The following RBL2 variants were observed in gnomAD, a reference collection of about 807,000 sequenced individuals.
RBL2 encodes RB transcriptional corepressor like 2.
A neutral mutation model predicts 126.0 loss-of-function variants in RBL2; 56 were observed. The observed-to-expected ratio is 0.44, with a 90% CI of 0.36 to 0.56. The LOEUF (loss-of-function observed/expected upper bound fraction) is 0.56, where lower values mean the gene tolerates loss of function less well. RBL2 is among the 20% of genes least tolerant of loss of function. The pLI is 0.00. For missense variants in RBL2, 1,229 were observed against 1,398.2 expected, an observed-to-expected ratio of 0.88 and a Z score of 1.93; for synonymous variants, 454 against 478.5, an observed-to-expected ratio of 0.95 and a Z score of 0.67.
At chr16:53,442,447 A>G (rs1385241188) in intron 2 of RBL2, among the ~76,000 whole-genome samples, 4 of 152,356 alleles carry the variant, frequency 2.6e-5, no homozygotes, top group African/African-American at 9.6e-5. Flanking sequence ...CAAATACTTT[A>G]GGTAACCTAA....
chr16:53,487,838 C>T (rs1961236097), intron 21 of RBL2: 1 of 152,164 alleles, frequency 6.6e-6, no homozygotes, highest in Non-Finnish European at 1.5e-5. Context: ...AGTAGGAAAA[C>T]CACCAAATGT....
At chr16:53,488,385 T>C (rs1203186640) in intron 21 of RBL2, 6 of 152,358 alleles carry the variant, frequency 3.9e-5, no homozygotes, top group Admixed American at 6.5e-5. Context: ...TGGGATAGGC[T>C]GACAAGGGAG....
chr16:53,469,670 T>C (rs1306336946), intron 14 of RBL2, among the ~76,000 whole-genome samples: 1 of 152,112 alleles, frequency 6.6e-6, no homozygotes, highest in East Asian at 1.9e-4. Flanking sequence ...AAAGGGGGCG[T>C]GGAGAAAGGA....
Position 53,490,026 on chromosome 16 carries a change from A to G in RBL2, c.3250-104A>G, listed in dbSNP as rs1158196511. 4.0e-5 allele frequency: 36 copies of G among 890,928 alleles called. No homozygotes were observed. The highest frequency in any genetic ancestry group is 4.9e-5 in the Non-Finnish European group (32 of 649,340). The allele number at this position is 890,928 out of a possible 1,614,324, so 55.2% of individuals were successfully genotyped here. A position where few individuals can be genotyped will look rare whatever the true frequency, so the allele number is the denominator to read the frequency against. ...TTTCTTTTCTCTGTAGATGTGTTCAAACTCTTCCAGGGTAAACTGCTTAAC... is the reference window on the plus strand; with the variant it reads ...TTTCTTTTCTCTGTAGATGTGTTCAGACTCTTCCAGGGTAAACTGCTTAAC... On this transcript the variant is annotated intron_variant, in intron 21 of 21. Transcript: ENST00000262133.
intron 17 of RBL2, among the ~76,000 whole-genome samples, chr16:53,478,251 T>C (rs1960803716): frequency 6.6e-6 from 1 of 152,216 alleles, no homozygotes. Flanking sequence ...CTCTTGATGC[T>C]TTTAATATTT....
Position 53,479,183 on chromosome 16 carries a change from C to T in RBL2, c.2733C>T (p.Asn911=), listed in dbSNP as rs1021460877. Residue 911 remains asparagine (N), a synonymous_variant, in exon 18 of 22, where the codon AAC becomes AAT. Coordinates refer to ENST00000262133, the MANE Select transcript of RBL2 (RefSeq NM_005611.4). ...CAAAAGAAGATAAGTCCTTCCAGAA[C>T]ATTATGCGTTGTTATAGGACTCAGC... ...KVTKEDKSFQ[N]IMRCYRTQPQ... 5 of 1,613,846 alleles carry T rather than the reference C, an allele frequency of 3.1e-6. No homozygotes were observed. Among genetic ancestry groups the T allele is most frequent in the African/African-American group, 1.3e-5 (1 of 74,908 alleles).
chr16:53,454,932 A>G, intron 8 of RBL2, 90 bp downstream of exon 8: 1 of 1,156,818 alleles, frequency 8.6e-7, no homozygotes, highest in Non-Finnish European at 1.2e-6. Context: ...TTTGTGTTTT[A>G]CTTGCCTACA....
At chr16:53,463,036 T>G (rs557811531) in intron 11 of RBL2, among the ~76,000 whole-genome samples, 1 of 152,302 alleles carries the variant, frequency 6.6e-6, no homozygotes, top group African/African-American at 2.4e-5. Context: ...AGATGGGGTT[T>G]TGCCATGTTG....
At chr16:53,473,924 A>C (rs1960618183) in intron 17 of RBL2, among the ~76,000 whole-genome samples, 1 of 151,960 alleles carries the variant, frequency 6.6e-6, no homozygotes. Flanking sequence ...TTATTCTATT[A>C]ATATAGTATA....
intron 3 of RBL2, among the ~76,000 whole-genome samples, chr16:53,443,609 G>A (rs374781000): frequency 2.4e-4 from 36 of 152,194 alleles, no homozygotes; most frequent in African/African-American, 8.4e-4. Flanking sequence ...GGCAGTTATG[G>A]AATACACATT....
chr16:53,491,535 C>A lies in RBL2; in HGVS notation c.*1235C>A, dbSNP rs1298767495. The stretch of plus-strand genomic sequence containing the variant: ...ATTGCTGAGAGAAATATGGAACTTA[C>A]ATTGTTCAATTAGAATAGTGTTCTG... On this transcript the variant is annotated 3_prime_UTR_variant, in exon 22 of 22. Transcript: ENST00000262133. The A allele has an allele frequency of 1.3e-5, 2 of 152,554 alleles. No homozygotes were observed. The highest frequency in any genetic ancestry group is 2.9e-5 in the Non-Finnish European group (2 of 68,028). The allele number at this position is 152,554 out of a possible 1,614,324, so 9.5% of individuals were successfully genotyped here. A position where few individuals can be genotyped will look rare whatever the true frequency, so the allele number is the denominator to read the frequency against.
At chr16:53,444,153 T>G in intron 3 of RBL2, among the ~76,000 whole-genome samples, 1 of 145,168 alleles carries the variant, frequency 6.9e-6, no homozygotes, top group African/African-American at 2.5e-5. Context: ...GGAGGCTGAG[T>G]CAGTAGAATC....
At position 53,435,584 on chromosome 16, in the gene RBL2, A is replaced by G. The variant is rs987467569; in HGVS notation, c.240+788A>G. 68 of 1,242,256 alleles carry G rather than the reference A, an allele frequency of 5.5e-5. No homozygotes were observed. In the African/African-American group the frequency reaches 9.8e-4, roughly 18 times the overall value. 77.0% of individuals were successfully genotyped at this position (1,242,256 alleles called of 1,614,324 possible). A position where few individuals can be genotyped will look rare whatever the true frequency, so the allele number is the denominator to read the frequency against. On this transcript the variant is annotated intron_variant, in intron 1 of 21. Coordinates refer to ENST00000262133, the MANE Select transcript of RBL2 (RefSeq NM_005611.4). The stretch of plus-strand genomic sequence containing the variant: ...TCAGCTTTGTATGCACCTCCCCTTC[A>G]TGGGCCAATGGGAAGTGACACGGAA...
chr16:53,442,883 G>A (rs1174186972), intron 3 of RBL2, 25 bp downstream of exon 3: 3 of 1,566,856 alleles, frequency 1.9e-6, no homozygotes, highest in Non-Finnish European at 2.6e-6. Context: ...TGGTTCATCA[G>A]GAATACACGT....
intron 21 of RBL2, among the ~76,000 whole-genome samples, chr16:53,486,733 C>T (rs572341654): frequency 5.3e-5 from 8 of 152,320 alleles, no homozygotes; most frequent in Admixed American, 2.6e-4. Context: ...TGTCCACTCT[C>T]ACTACCCCTG....
In RBL2 at chr16:53,454,671, G is replaced by A. The variant is rs1457054221; in HGVS notation, c.1008G>A (p.Lys336=). Residue 336 remains lysine, a synonymous_variant, in exon 8 of 22, where the codon AAG becomes AAA. Coordinates refer to ENST00000262133, the MANE Select transcript of RBL2 (RefSeq NM_005611.4). The part of the protein sequence containing the change: ...NFGESFKAIN[K]AYEEYVLSVG... ...TTTCCTATAGTAAAGCCATCAATAA[G>A]GCCTATGAGGAGTATGTTTTATCTG... 1 of 1,612,670 alleles carries A rather than the reference G, an allele frequency of 6.2e-7. No individual in the cohort carries two copies. Among genetic ancestry groups the A allele is most frequent in the South Asian group, 1.1e-5 (1 of 90,974 alleles).
intron 17 of RBL2, among the ~76,000 whole-genome samples, chr16:53,472,632 C>T (rs968040395): frequency 2.0e-5 from 3 of 152,176 alleles, no homozygotes; most frequent in Non-Finnish European, 4.4e-5. Flanking sequence ...ATTTTGGATA[C>T]AACTACCTTC....
intron 8 of RBL2, 68 bp from the exon 9 acceptor site, chr16:53,459,383 C>T: frequency 7.5e-7 from 1 of 1,339,638 alleles, no homozygotes; most frequent in South Asian, 1.3e-5. Context: ...GAATTAAAGT[C>T]TTTCTGGCCT....
chr16:53,453,743 A>G lies in RBL2; in HGVS notation c.966A>G (p.Leu322=). 6.2e-7 allele frequency: 1 copy of G among 1,610,802 alleles called. No homozygotes were observed. The highest frequency in any genetic ancestry group is 8.5e-7 in the Non-Finnish European group (1 of 1,178,630). ...AAGAAGAAAATCTCACTGGGTTTCT[A>G]GAACCTGGGAACTTTGGAGAGAGTT... ...KGKEENLTGF[L]EPGNFGESFK... is the part of the protein sequence containing the mutation. Residue 322 remains leucine (L), a synonymous_variant, in exon 7 of 22, where the codon CTA becomes CTG. Coordinates refer to ENST00000262133, the MANE Select transcript of RBL2 (RefSeq NM_005611.4).
Sources: allele counts gnomAD v4.1 joint callset (sites outside exome capture counted in the v4.1 genomes callset), GRCh38; gene constraint gnomAD v4.1.1; transcripts MANE v1.5; gene names NCBI Gene and HGNC (gene_info 2026-07-23, HGNC 2026-07-21).